The following DCTN1 variants were observed in gnomAD, a reference collection of about 807,000 sequenced individuals.
The protein encoded by DCTN1 is 150 kDa dynein-associated polypeptide.
Under a neutral mutation model 161.2 loss-of-function variants are expected in DCTN1, and 61 were observed. That is an observed-to-expected ratio of 0.38 (90% CI 0.31 to 0.47). The LOEUF (loss-of-function observed/expected upper bound fraction) is 0.47, where lower values mean the gene tolerates loss of function less well. Ranked by LOEUF, DCTN1 falls within the 20% of genes least tolerant of loss-of-function variation. DCTN1 has a pLI of 0.99. For missense variants in DCTN1, 1,404 were observed against 1,623.7 expected, an observed-to-expected ratio of 0.86 and a Z score of 2.33; for synonymous variants, 653 against 632.4, an observed-to-expected ratio of 1.03 and a Z score of -0.49.
rs1236389311 is a variant in DCTN1, at chr2:74,362,151, G to A, written c.3610-10C>T. The A allele has an allele frequency of 2.5e-6, 4 of 1,612,836 alleles. No individual in the cohort carries two copies. The highest frequency in any genetic ancestry group is 3.3e-4 in the Middle Eastern group (2 of 6,078). ...CCTTGAGGACCTCATCCTAGGGAAGGGGAGAGGAAGACAAGGGTTCATTTA... is the reference window on the plus strand; with the variant it reads ...CCTTGAGGACCTCATCCTAGGGAAGAGGAGAGGAAGACAAGGGTTCATTTA... On this transcript the variant is annotated splice_polypyrimidine_tract_variant and intron_variant, in intron 30 of 31. Transcript: ENST00000628224.
chr2:74,363,678 T>C (rs1558933458), intron 26 of DCTN1, 50 bp from the exon 27 acceptor site: 1 of 1,611,342 alleles, frequency 6.2e-7, no homozygotes, highest in East Asian at 2.2e-5. Context: ...AGAGAGGAGT[T>C]AGGTGATTTG....
chr2:74,391,443 C>G (rs1175473104), intron 1 of DCTN1: 7 of 257,756 alleles, frequency 2.7e-5, no homozygotes, highest in Admixed American at 5.3e-5. Context: ...TTTTTCTCCC[C>G]GTTTGAGACG....
intron 5 of DCTN1, chr2:74,374,725 G>A: frequency 8.5e-7 from 1 of 1,174,352 alleles, no homozygotes; most frequent in South Asian, 1.7e-5. Flanking sequence ...CTCCATGGGG[G>A]TGGAGCCACT....
chr2:74,379,929 C>A, intron 1 of DCTN1, 76 bp downstream of exon 1: 2 of 1,473,348 alleles, frequency 1.4e-6, no homozygotes, highest in East Asian at 4.6e-5. Flanking sequence ...CCCCAGCCCC[C>A]ACAGCAATGA....
intron 4 of DCTN1, among the ~76,000 whole-genome samples, chr2:74,376,995 G>A (rs1264497938): frequency 1.3e-5 from 2 of 152,178 alleles, no homozygotes; most frequent in African/African-American, 4.8e-5. Flanking sequence ...GAACTAGGAA[G>A]CACTCTCTGC....
chr2:74,362,843 G>A (rs1293512905), intron 29 of DCTN1, 114 bp from the exon 30 acceptor site: 4 of 1,299,948 alleles, frequency 3.1e-6, no homozygotes, highest in Admixed American at 1.9e-5. Context: ...ACTTGAGAGA[G>A]AGTGGGTGAA....
At chr2:74,381,884 G>C (rs1348672783), upstream of DCTN1, among the ~76,000 whole-genome samples, 3 of 152,222 alleles carry the variant, frequency 2.0e-5, no homozygotes, top group African/African-American at 7.2e-5. Context: ...ATAAAAGTTA[G>C]CTAAGAACAA....
chr2:74,380,452 G>C (rs1355467523), upstream of DCTN1: 2 of 481,636 alleles, frequency 4.2e-6, no homozygotes, highest in Non-Finnish European at 8.5e-6. Flanking sequence ...CACTGTCCTA[G>C]GGCTGGAAGC....
rs79741568 is a variant in DCTN1, at chr2:74,370,441, C to T, written c.1127+25G>A. 1.9e-6 allele frequency: 3 copies of T among 1,614,182 alleles called. No homozygotes were observed. The highest frequency in any genetic ancestry group is 2.2e-5 in the East Asian group (1 of 44,894). Reference sequence around the variant, plus strand: ...CATTTGGAGACACAAGAGTAAGCATCAGAGGCAAGCACTGAAGACCCTACC... The same window carrying T: ...CATTTGGAGACACAAGAGTAAGCATTAGAGGCAAGCACTGAAGACCCTACC... On this transcript the variant is annotated intron_variant, in intron 11 of 31. Coordinates refer to ENST00000628224, the MANE Select transcript of DCTN1 (RefSeq NM_004082.5). The surrounding 1 kb of genome is among the most constrained non-coding windows in gnomAD (Gnocchi z 4.4).
intron 26 of DCTN1, 82 bp downstream of exon 26, chr2:74,364,993 G>A (rs1674295048): frequency 6.4e-7 from 1 of 1,572,008 alleles, no homozygotes; most frequent in Non-Finnish European, 8.7e-7. Context: ...TAAGGGGGGT[G>A]GGGCAGAGGT....
intron 1 of DCTN1, among the ~76,000 whole-genome samples, chr2:74,379,454 A>C (rs1212522052): frequency 1.3e-5 from 2 of 152,176 alleles, no homozygotes; most frequent in African/African-American, 4.8e-5. Flanking sequence ...TGTAGTTCCC[A>C]GAGGCTCCAG....
exon 1 of DCTN1, chr2:74,391,800 T>G (rs555011247): frequency 2.2e-6 from 1 of 453,798 alleles, no homozygotes; most frequent in South Asian, 1.6e-5. Flanking sequence ...GTACCTGCAC[T>G]GTGAGGGGCT....
At chr2:74,391,738 C>G (rs1026724356) in intron 1 of DCTN1, 7 of 450,834 alleles carry the variant, frequency 1.6e-5, no homozygotes, top group Non-Finnish European at 3.1e-5. Flanking sequence ...CCGGCAACCT[C>G]ACGAACACGT....
rs757238618 is a variant in DCTN1, at chr2:74,370,974, C to G, written c.843+5G>C. On this transcript the variant is annotated splice_donor_5th_base_variant and intron_variant, in intron 9 of 31. Transcript: ENST00000628224. The surrounding 1 kb of genome is among the most constrained non-coding windows in gnomAD (Gnocchi z 4.4). ...CCCAGCCACCCCCTTCATCCAGAGT[C>G]AAACCTTTCTCGCCTCCTTGAGGCG... is the stretch of plus-strand genomic sequence containing the variant. The G allele has an allele frequency of 7.4e-6, 12 of 1,613,842 alleles. No individual in the cohort carries two copies. The South Asian group carries it at 1.3e-4, about 18-fold the overall frequency.
At chr2:74,377,947 C>T (rs1422228207) in intron 2 of DCTN1, 53 bp downstream of exon 2, 1 of 1,610,788 alleles carries the variant, frequency 6.2e-7, no homozygotes, top group Non-Finnish European at 8.5e-7. Context: ...ATCAGCTGCA[C>T]ATGCGACAGA....
chr2:74,361,658 A>AAGACTCC, intron 31 of DCTN1, 22 bp from the exon 32 acceptor site: 1 of 1,613,990 alleles, frequency 6.2e-7, no homozygotes, highest in South Asian at 1.1e-5. Context: ...TGAGGAGAAA[A>AAGACTCC]AGACTCCAGG....
chr2:74,362,846 T>C (rs1388922774), intron 29 of DCTN1, 117 bp from the exon 30 acceptor site: 5 of 1,297,446 alleles, frequency 3.9e-6, no homozygotes, highest in South Asian at 1.3e-5. Flanking sequence ...TGAGAGAGAG[T>C]GGGTGAATCA....
At position 74,361,380 on chromosome 2, in the gene DCTN1, A is replaced by G; in HGVS notation, c.*119T>C. ...GCTGAAAGGGTGGGAGTGAAGCTGA[A>G]CGGGGCAGGAAGAGCTTAACCCACG... On this transcript the variant is annotated 3_prime_UTR_variant, in exon 32 of 32. Coordinates refer to ENST00000628224, the MANE Select transcript of DCTN1 (RefSeq NM_004082.5). 1 of 1,433,144 alleles carries G rather than the reference A, an allele frequency of 7.0e-7. No individual in the cohort carries two copies. The highest frequency in any genetic ancestry group is 9.6e-7 in the Non-Finnish European group (1 of 1,038,408). 88.8% of individuals were successfully genotyped at this position (1,433,144 alleles called of 1,614,324 possible). A position where few individuals can be genotyped will look rare whatever the true frequency, so the allele number is the denominator to read the frequency against.
chr2:74,378,096 A>C lies in DCTN1; in HGVS notation c.183T>G (p.Ile61Met). ...LFATGKWVGV[I>M]LDEAKGKNDG... ...CATTTTTGCCCTTTGCTTCATCCAGAATCACGCCTACCCATTTGCCAGTGG... is the reference window on the plus strand; with the variant it reads ...CATTTTTGCCCTTTGCTTCATCCAGCATCACGCCTACCCATTTGCCAGTGG... Residue 61 changes from isoleucine (I) to methionine (M), a missense_variant, in exon 2 of 32, where the codon ATT (isoleucine) becomes ATG (methionine). Transcript: ENST00000628224. 1 of 1,614,222 alleles carries C rather than the reference A, an allele frequency of 6.2e-7. No homozygotes were observed. Among genetic ancestry groups the C allele is most frequent in the Non-Finnish European group, 8.5e-7 (1 of 1,180,042 alleles).
Sources: gnomAD v4.1 joint callset for allele counts (sites outside exome capture counted in the v4.1 genomes callset) on GRCh38, gnomAD v4.1.1 for gene constraint, Gnocchi (gnomAD v3.1) non-coding constraint, MANE v1.5 for transcripts, NCBI Gene and HGNC (gene_info 2026-07-23, HGNC 2026-07-21) for gene names.